Variants in GARNL3 observed in about 807,000 individuals in gnomAD.
GARNL3 encodes GTPase activating Rap/RanGAP domain like 3.
GARNL3 carries 63 observed loss-of-function variants against 125.0 expected under a neutral mutation model. That is an observed-to-expected ratio of 0.50 (90% CI 0.41 to 0.62). GARNL3 has a LOEUF of 0.62. GARNL3 is among the 20% of genes least tolerant of loss of function. The pLI is 0.00. For synonymous variants in GARNL3, 439 were observed against 457.5 expected (o/e 0.96, Z 0.52); for missense variants, 994 against 1,244.0 (o/e 0.80, Z 3.02).
At chr9:127,305,157 C>G (rs1309261642) in intron 2 of GARNL3, among the ~76,000 whole-genome samples, 1 of 152,090 alleles carries the variant, frequency 6.6e-6, no homozygotes, top group Non-Finnish European at 1.5e-5. Context: ...AACAAGGGAG[C>G]CTTCTGGAAT....
intron 20 of GARNL3, among the ~76,000 whole-genome samples, chr9:127,356,926 C>T (rs556847287): frequency 9.8e-5 from 15 of 152,320 alleles, no homozygotes; most frequent in African/African-American, 2.2e-4. Context: ...CAGGACCAGA[C>T]GACATAAGGG....
intron 24 of GARNL3, among the ~76,000 whole-genome samples, chr9:127,386,778 A>G (rs887537187): frequency 6.6e-6 from 1 of 152,222 alleles, no homozygotes; most frequent in Non-Finnish European, 1.5e-5. Context: ...GTGCCTGAGT[A>G]TCTGCTGGAT....
chr9:127,353,880 T>G lies in GARNL3; in HGVS notation c.1578T>G (p.Thr526=). Residue 526 remains threonine, a synonymous_variant, in exon 18 of 28, where the codon ACT becomes ACG. Transcript: ENST00000373387. ...CATCAGTGCCCGTGTTTGACAGAACTCTGCCAGTGAAGCAAATGCATGTGC... is the reference window on the plus strand; with the variant it reads ...CATCAGTGCCCGTGTTTGACAGAACGCTGCCAGTGAAGCAAATGCATGTGC... ...DLPSVPVFDR[T]LPVKQMHVLE... 6.2e-7 allele frequency: 1 copy of G among 1,613,982 alleles called. No individual in the cohort carries two copies. Among genetic ancestry groups the G allele is most frequent in the Non-Finnish European group, 8.5e-7 (1 of 1,179,844 alleles).
At chr9:127,224,916 G>T (rs2062871596) in intron 1 of GARNL3, among the ~76,000 whole-genome samples, 1 of 62,358 alleles carries the variant, frequency 1.6e-5, no homozygotes, top group African/African-American at 5.7e-5. Flanking sequence ...GGGGCGGGGC[G>T]TGGGCGGGGC....
chr9:127,284,113 C>T (rs938518778), intron 1 of GARNL3, among the ~76,000 whole-genome samples: 1 of 151,780 alleles, frequency 6.6e-6, no homozygotes, highest in Non-Finnish European at 1.5e-5. Flanking sequence ...TGTGGAGCAT[C>T]AGATCCTTCA....
chr9:127,306,999 G>T (rs2064975656), intron 2 of GARNL3, among the ~76,000 whole-genome samples: 1 of 151,856 alleles, frequency 6.6e-6, no homozygotes, highest in African/African-American at 2.4e-5. Flanking sequence ...AGTATTTTAA[G>T]ATATCAGCAA....
chr9:127,247,208 G>T (rs1374269400), intron 2 of GARNL3, among the ~76,000 whole-genome samples: 1 of 152,170 alleles, frequency 6.6e-6, no homozygotes, highest in Non-Finnish European at 1.5e-5. Flanking sequence ...GTGGTGGTTT[G>T]ATGTCTGCTT....
At chr9:127,309,219 GA>G (rs2065032006) in intron 2 of GARNL3, among the ~76,000 whole-genome samples, 1 of 152,150 alleles carries the variant, frequency 6.6e-6, no homozygotes, top group Non-Finnish European at 1.5e-5. Context: ...GAAACCTCTG[GA>G]ATTGGAACTG....
chr9:127,327,208 G>C lies in GARNL3; in HGVS notation c.594+2113G>C, dbSNP rs73600891. On this transcript the variant is annotated intron_variant, in intron 7 of 27. Coordinates refer to ENST00000373387, the MANE Select transcript of GARNL3 (RefSeq NM_032293.5). ...GCATGTACCATGTACTGTTTGAGGCGTTGCGGATACATCAGTGAGCAAGAA... is the reference window on the plus strand; with the variant it reads ...GCATGTACCATGTACTGTTTGAGGCCTTGCGGATACATCAGTGAGCAAGAA... Among the ~76,000 whole-genome samples the C allele has an allele frequency of 3.2e-3, 482 of 152,290 alleles. 3 individuals carry two copies. Among genetic ancestry groups the C allele is most frequent in the African/African-American group, 0.011 (461 of 41,544 alleles).
At chr9:127,273,174 C>T (rs2063865641) in intron 1 of GARNL3, among the ~76,000 whole-genome samples, 1 of 152,048 alleles carries the variant, frequency 6.6e-6, no homozygotes, top group African/African-American at 2.4e-5. Context: ...AATGGATTCC[C>T]ATTTAACTGA....
chr9:127,337,325 G>A (rs891524066), intron 11 of GARNL3, among the ~76,000 whole-genome samples: 1 of 152,160 alleles, frequency 6.6e-6, no homozygotes, highest in African/African-American at 2.4e-5. Flanking sequence ...GTGATTGAGA[G>A]GTAGTCATTA....
At chr9:127,345,168 T>C (rs1259475570) in intron 15 of GARNL3, among the ~76,000 whole-genome samples, 1 of 152,238 alleles carries the variant, frequency 6.6e-6, no homozygotes, top group African/African-American at 2.4e-5. Flanking sequence ...ACAGTAATGA[T>C]ATATTGATTC....
At chr9:127,300,173 C>A in intron 2 of GARNL3, 1 of 333,518 alleles carries the variant, frequency 3.0e-6, no homozygotes, top group Non-Finnish European at 6.1e-6. Context: ...ATTATGTCAT[C>A]TGTAAAGTCT....
At chr9:127,316,044 A>G (rs767407534) in intron 4 of GARNL3, among the ~76,000 whole-genome samples, 4 of 152,178 alleles carry the variant, frequency 2.6e-5, no homozygotes, top group Non-Finnish European at 4.4e-5. Context: ...TTACTTAAAC[A>G]TTGACTCTGG....
intron 2 of GARNL3, among the ~76,000 whole-genome samples, chr9:127,251,002 C>T (rs571042118): frequency 1.2e-4 from 18 of 152,248 alleles, no homozygotes; most frequent in African/African-American, 3.6e-4. Context: ...TTACAGTTTT[C>T]GGGTCTTTCA....
intron 1 of GARNL3, among the ~76,000 whole-genome samples, chr9:127,278,467 A>T (rs1250534642): frequency 6.6e-6 from 1 of 152,160 alleles, no homozygotes; most frequent in African/African-American, 2.4e-5. Context: ...CTTGTCCTGG[A>T]GTTTCAGGTA....
At chr9:127,294,266 C>T (rs984429475) in intron 2 of GARNL3, among the ~76,000 whole-genome samples, 1 of 152,168 alleles carries the variant, frequency 6.6e-6, no homozygotes, top group Non-Finnish European at 1.5e-5. Context: ...TTTTAATTGG[C>T]AATTCCTACA....
At chr9:127,354,240 A>C in intron 18 of GARNL3, 54 bp from the exon 19 acceptor site, 1 of 1,392,796 alleles carries the variant, frequency 7.2e-7, no homozygotes, top group Admixed American at 1.8e-5. Flanking sequence ...GAGGCCCTCC[A>C]GGTTACCTTA....
intron 1 of GARNL3, among the ~76,000 whole-genome samples, chr9:127,234,901 C>T (rs1026600700): frequency 1.3e-5 from 2 of 152,196 alleles, no homozygotes; most frequent in African/African-American, 2.4e-5. Flanking sequence ...AAGGCCCCAT[C>T]TCTTAATACT....
Sources: allele counts gnomAD v4.1 joint callset (sites outside exome capture counted in the v4.1 genomes callset), GRCh38; gene constraint gnomAD v4.1.1; transcripts MANE v1.5; gene names NCBI Gene and HGNC (gene_info 2026-07-23, HGNC 2026-07-21).